TIMM9: variants seen among roughly 807,000 people sequenced by gnomAD.
TIMM9 encodes the protein mitochondrial import inner membrane translocase subunit Tim9.
A neutral mutation model predicts 13.4 loss-of-function variants in TIMM9; 10 were observed. The ratio of observed to expected loss-of-function variants is 0.75; its 90% CI spans 0.46 to 1.26. TIMM9 has a LOEUF of 1.26. Among genes scored for constraint, TIMM9 ranks in the 50% most tolerant of loss-of-function variants. The pLI is 0.00. For synonymous variants in TIMM9, 32 were observed against 32.1 expected (o/e 1.00, Z 0.01); for missense variants, 87 against 100.8 (o/e 0.86, Z 0.58).
intron 3 of TIMM9, among the ~76,000 whole-genome samples, chr14:58,418,136 G>A (rs980904093): frequency 2.6e-4 from 40 of 152,116 alleles, no homozygotes; most frequent in African/African-American, 9.4e-4. Context: ...TGACCAAGAA[G>A]GGTTTATTCC....
chr14:58,426,071 C>G (rs527848877), intron 2 of TIMM9, among the ~76,000 whole-genome samples: 1 of 151,222 alleles, frequency 6.6e-6, no homozygotes, highest in African/African-American at 2.4e-5. Context: ...GAGCCAAGAT[C>G]GCGCCACTGC....
chr14:58,419,903 CCT>C (rs1421875499), intron 3 of TIMM9, among the ~76,000 whole-genome samples: 2 of 151,832 alleles, frequency 1.3e-5, no homozygotes. Flanking sequence ...GGTGACAGAC[CCT>C]CTCTCTAAAA....
At chr14:58,411,801 T>C (rs574686456) in intron 4 of TIMM9, 106 bp downstream of exon 4, 1 of 1,038,070 alleles carries the variant, frequency 9.6e-7, no homozygotes, top group African/African-American at 1.6e-5. Context: ...CCTCCCAACG[T>C]GCTGGGATTA....
At chr14:58,412,047 A>G in intron 3 of TIMM9, 76 bp from the exon 4 acceptor site, 1 of 1,048,624 alleles carries the variant, frequency 9.5e-7, no homozygotes, top group Non-Finnish European at 1.4e-6. Context: ...TTAGGGAATC[A>G]CTGCTCGTAT....
At chr14:58,412,472 C>T (rs1048278813) in intron 3 of TIMM9, among the ~76,000 whole-genome samples, 14 of 152,154 alleles carry the variant, frequency 9.2e-5, no homozygotes. Flanking sequence ...TAGTTTGGGA[C>T]TCAAAGGCCC....
intron 3 of TIMM9, 49 bp from the exon 4 acceptor site, chr14:58,412,020 T>G (rs2036236627): frequency 7.2e-7 from 1 of 1,395,346 alleles, no homozygotes; most frequent in Admixed American, 1.8e-5. Flanking sequence ...ACAAATGTTT[T>G]TAGTCTAACT....
intron 2 of TIMM9, among the ~76,000 whole-genome samples, chr14:58,426,391 G>A (rs990806054): frequency 6.6e-6 from 1 of 151,668 alleles, no homozygotes; most frequent in Non-Finnish European, 1.5e-5. Flanking sequence ...ATTTTCAGTA[G>A]AGGCGGGGTT....
chr14:58,417,498 TAAA>T (rs71107944), intron 3 of TIMM9, among the ~76,000 whole-genome samples: 1 of 56,670 alleles, frequency 1.8e-5, no homozygotes, highest in Admixed American at 2.9e-4. Context: ...AAGACCCTGT[TAAA>T]AAAAAAAAAA....
intron 2 of TIMM9, among the ~76,000 whole-genome samples, chr14:58,426,684 G>T (rs1481796658): frequency 6.6e-6 from 1 of 152,230 alleles, no homozygotes; most frequent in African/African-American, 2.4e-5. Context: ...GAGCAGATCA[G>T]GGAAGGGGTG....
chr14:58,414,489 G>A (rs1056212160), intron 3 of TIMM9, among the ~76,000 whole-genome samples: 1 of 151,988 alleles, frequency 6.6e-6, no homozygotes, highest in African/African-American at 2.4e-5. Context: ...TGTAATCCCA[G>A]CACTTTGGGA....
At chr14:58,422,669 A>T (rs993471169) in intron 3 of TIMM9, among the ~76,000 whole-genome samples, 1 of 152,200 alleles carries the variant, frequency 6.6e-6, no homozygotes, top group South Asian at 2.1e-4. Context: ...TCATACTATA[A>T]AAGTAATATA....
chr14:58,419,568 G>A (rs1310602784), intron 3 of TIMM9, among the ~76,000 whole-genome samples: 1 of 149,170 alleles, frequency 6.7e-6, no homozygotes, highest in Non-Finnish European at 1.5e-5. Context: ...GGGAAAAAAA[G>A]ATGTGAGAAC....
chr14:58,419,518 CACACACACACAA>C (rs2036527778), intron 3 of TIMM9, among the ~76,000 whole-genome samples: 1 of 151,478 alleles, frequency 6.6e-6, no homozygotes. Flanking sequence ...CACATACACA[CACACACACACAA>C]AAATACACTC....
intron 3 of TIMM9, among the ~76,000 whole-genome samples, chr14:58,419,918 A>G (rs1296619544): frequency 2.0e-5 from 3 of 152,204 alleles, no homozygotes; most frequent in Non-Finnish European, 4.4e-5. Flanking sequence ...CTCTAAAAAA[A>G]GGATCAGGAA....
At chr14:58,426,953 G>A (rs2036864154) in intron 2 of TIMM9, 101 bp downstream of exon 2, 1 of 152,776 alleles carries the variant, frequency 6.5e-6, no homozygotes. Context: ...CCAGGTACGT[G>A]CGGCGGCCTC....
At chr14:58,412,328 G>A (rs1440935789) in intron 3 of TIMM9, among the ~76,000 whole-genome samples, 2 of 152,148 alleles carry the variant, frequency 1.3e-5, no homozygotes, top group Non-Finnish European at 1.5e-5. Flanking sequence ...TTTTAGTAGA[G>A]ATGGGGTTTC....
chr14:58,417,198 T>C lies in TIMM9; in HGVS notation c.-26-5227A>G, dbSNP rs2036439045. 2.0e-5 allele frequency among the ~76,000 whole-genome samples: 3 copies of C among 152,012 alleles called. No homozygotes were observed. In the South Asian group the frequency reaches 6.2e-4, roughly 32 times the overall value. On this transcript the variant is annotated intron_variant, in intron 3 of 5. Coordinates refer to ENST00000395159, the MANE Select transcript of TIMM9 (RefSeq NM_012460.4). ...CTCCCCAGCCATGTGGAACTGTAAG[T>C]CCATTAAACCTCTTTCTTTTGTAAA...
rs527460650 is a variant in TIMM9 at position 58,408,935 on chromosome 14, G to A, written c.*99C>T. The A allele has an allele frequency of 1.3e-6, 2 of 1,495,522 alleles. No homozygotes were observed. The highest frequency in any genetic ancestry group is 4.7e-5 in the Admixed American group (2 of 42,264). 92.6% of individuals were successfully genotyped at this position (1,495,522 alleles called of 1,614,324 possible). ...CAGTCATGACAGATGGTTGAACATG[G>A]TGGCTACTGCTTTCAGGGGATTCTA... On this transcript the variant is annotated 3_prime_UTR_variant, in exon 6 of 6. Transcript: ENST00000395159.
chr14:58,415,382 G>A (rs1314248842), intron 3 of TIMM9, among the ~76,000 whole-genome samples: 2 of 152,034 alleles, frequency 1.3e-5, no homozygotes, highest in South Asian at 4.2e-4. Flanking sequence ...GACAACAGAT[G>A]CTCAACATTG....
Sources: allele counts gnomAD v4.1 joint callset (sites outside exome capture counted in the v4.1 genomes callset), GRCh38; gene constraint gnomAD v4.1.1; transcripts MANE v1.5; gene names NCBI Gene and HGNC (gene_info 2026-07-23, HGNC 2026-07-21).